Variants in DNAH11 observed in about 807,000 individuals in gnomAD.
The protein encoded by DNAH11 is axonemal beta dynein heavy chain 11.
DNAH11 carries 442 observed loss-of-function variants against 526.0 expected under a neutral mutation model. The observed-to-expected ratio is 0.84, with a 90% CI of 0.78 to 0.91. The LOEUF is 0.91. Among genes scored for constraint, DNAH11 ranks in the 40% least tolerant of loss-of-function variants. The probability of loss-of-function intolerance (pLI) is 0.00; values close to 1 mark genes in which losing one functional copy is unlikely to be tolerated. For synonymous variants in DNAH11, 2,461 were observed against 1,935.9 expected, an observed-to-expected ratio of 1.27 and a Z score of -7.12; for missense variants, 6,989 against 5,448.7, an observed-to-expected ratio of 1.28 and a Z score of -8.90.
chr7:21,586,322 G>A (rs376215835), intron 9 of DNAH11, among the ~76,000 whole-genome samples: 12 of 152,228 alleles, frequency 7.9e-5, no homozygotes, highest in African/African-American at 1.4e-4. Context: ...AAATACATAA[G>A]GCAATGTTTA....
chr7:21,685,829 T>A (rs1783349649), intron 32 of DNAH11, among the ~76,000 whole-genome samples: 1 of 151,726 alleles, frequency 6.6e-6, no homozygotes. Flanking sequence ...AAAAAGAGAG[T>A]CCAGGTCAAA....
At chr7:21,828,987 C>CCTTT (rs1377212093) in intron 65 of DNAH11, among the ~76,000 whole-genome samples, 1 of 152,064 alleles carries the variant, frequency 6.6e-6, no homozygotes, top group African/African-American at 2.4e-5. Context: ...TCAACCAAAA[C>CCTTT]CTTTCTTCGG....
chr7:21,813,378 A>G (rs77065843), intron 63 of DNAH11, among the ~76,000 whole-genome samples: 2,754 of 152,364 alleles, frequency 0.018, 71 homozygotes, highest in African/African-American at 0.057. Context: ...TGTCCTAAGC[A>G]ATAAAATAGA....
chr7:21,557,171 G>A lies in DNAH11; in HGVS notation c.496-1631G>A, dbSNP rs1253400778. Among the ~76,000 whole-genome samples the A allele has an allele frequency of 2.6e-5, 4 of 151,880 alleles. No homozygotes were observed. In the South Asian group the frequency reaches 6.2e-4, roughly 24 times the overall value. Reference sequence around the variant, plus strand: ...TTGCAGAGTTCTTCACAAACTACCCGTGCCGTCCTCACAGCCCAAGTATTG... The same window carrying A: ...TTGCAGAGTTCTTCACAAACTACCCATGCCGTCCTCACAGCCCAAGTATTG... On this transcript the variant is annotated intron_variant, in intron 2 of 81. Coordinates refer to ENST00000409508, the MANE Select transcript of DNAH11 (RefSeq NM_001277115.2).
At chr7:21,851,830 C>G (rs1782652770) in intron 66 of DNAH11, among the ~76,000 whole-genome samples, 2 of 151,978 alleles carry the variant, frequency 1.3e-5, no homozygotes, top group Admixed American at 1.3e-4. Flanking sequence ...GAGTTTTTTT[C>G]CTATTTTGAG....
intron 13 of DNAH11, 48 bp downstream of exon 13, chr7:21,591,070 T>G: frequency 7.3e-7 from 1 of 1,378,230 alleles, no homozygotes; most frequent in Non-Finnish European, 9.5e-7. Context: ...ATTATGAATA[T>G]AAATATTTTG....
chr7:21,900,454 A>ACTGT (rs1784740405), intron 81 of DNAH11, among the ~76,000 whole-genome samples: 1 of 102,320 alleles, frequency 9.8e-6, no homozygotes, highest in African/African-American at 3.0e-5. Flanking sequence ...TTGTTTAAAA[A>ACTGT]CTGTCAGTAA....
At chr7:21,687,775 C>T (rs1267448065) in intron 34 of DNAH11, among the ~76,000 whole-genome samples, 1 of 152,146 alleles carries the variant, frequency 6.6e-6, no homozygotes, top group Non-Finnish European at 1.5e-5. Flanking sequence ...CTAGGATTGG[C>T]CAGACACAGT....
rs1378649251 is a variant in DNAH11 at position 21,650,592 on chromosome 7, A to G, written c.4945-5240A>G. Among the ~76,000 whole-genome samples, 4 of 134,888 alleles carry G rather than the reference A, an allele frequency of 3.0e-5. No homozygotes were observed. The East Asian group carries it at 6.3e-4, about 21-fold the overall frequency. The allele number at this position is 134,888 out of a possible 152,430, so 88.5% of individuals were successfully genotyped here. A position where few individuals can be genotyped will look rare whatever the true frequency, so the allele number is the denominator to read the frequency against. On this transcript the variant is annotated intron_variant, in intron 28 of 81. Coordinates refer to ENST00000409508, the MANE Select transcript of DNAH11 (RefSeq NM_001277115.2). ...AGATTCTTAACCATATTGCATGCCTATTTCCCTGTACCATCACCAAAACTG... is the reference window on the plus strand; with the variant it reads ...AGATTCTTAACCATATTGCATGCCTGTTTCCCTGTACCATCACCAAAACTG...
intron 57 of DNAH11, among the ~76,000 whole-genome samples, chr7:21,780,913 G>A (rs1000866197): frequency 6.6e-6 from 1 of 152,192 alleles, no homozygotes; most frequent in Admixed American, 6.5e-5. Context: ...CATGAGACAA[G>A]TAACACATTG....
chr7:21,717,605 T>G (rs1255537426), intron 42 of DNAH11, among the ~76,000 whole-genome samples, 170 bp from the exon 43 acceptor site: 1 of 152,158 alleles, frequency 6.6e-6, no homozygotes, highest in Admixed American at 6.6e-5. Context: ...TAAAACAAGT[T>G]TTTAAAGGGC....
intron 64 of DNAH11, among the ~76,000 whole-genome samples, chr7:21,817,395 C>A (rs1427430492): frequency 6.6e-6 from 1 of 151,622 alleles, no homozygotes; most frequent in Non-Finnish European, 1.5e-5. Context: ...AAATGTAGTT[C>A]TTAGGCCAGG....
chr7:21,799,844 G>A (rs1485559185), intron 61 of DNAH11, among the ~76,000 whole-genome samples: 1 of 152,138 alleles, frequency 6.6e-6, no homozygotes, highest in Non-Finnish European at 1.5e-5. Flanking sequence ...ATTATATTCT[G>A]TAAGTTTTCT....
In DNAH11 at chr7:21,639,013, T is replaced by C; in HGVS notation, c.4892T>C (p.Val1631Ala). Residue 1631 changes from valine (V) to alanine (A), a missense_variant, in exon 28 of 82, where the codon GTC (valine) becomes GCC (alanine). By Grantham distance (64) the Val-to-Ala change is moderately conservative. Transcript: ENST00000409508. Reference sequence around the variant, plus strand: ...ATAGCCTTTCCTCGCTTCTATTTCGTCTCTTCTGCTGATTTACTTGACATT... The same window carrying C: ...ATAGCCTTTCCTCGCTTCTATTTCGCCTCTTCTGCTGATTTACTTGACATT... ...KRIAFPRFYF[V>A]SSADLLDILS... 6.2e-7 allele frequency: 1 copy of C among 1,613,722 alleles called. No homozygotes were observed.
chr7:21,784,866 A>C (rs1043399834), intron 58 of DNAH11, among the ~76,000 whole-genome samples: 1 of 152,080 alleles, frequency 6.6e-6, no homozygotes, highest in African/African-American at 2.4e-5. Flanking sequence ...TTTTCATATC[A>C]TGTGTTGCTT....
chr7:21,739,498 T>G (rs1785776540), intron 47 of DNAH11, 73 bp from the exon 48 acceptor site: 3 of 1,140,688 alleles, frequency 2.6e-6, no homozygotes, highest in Non-Finnish European at 1.3e-6. Context: ...ATGAAGACCT[T>G]TATGAACTGT....
intron 66 of DNAH11, among the ~76,000 whole-genome samples, chr7:21,849,201 A>T (rs1456324229): frequency 6.6e-6 from 1 of 152,148 alleles, no homozygotes; most frequent in Non-Finnish European, 1.5e-5. Context: ...TCCATTTTCA[A>T]ATAACACTAC....
rs778123011 is a variant in DNAH11 at position 21,601,369 on chromosome 7, G to A, written c.3426-27G>A. The A allele has an allele frequency of 1.9e-6, 3 of 1,576,952 alleles. No individual in the cohort carries two copies. In the Admixed American group the frequency reaches 5.3e-5, roughly 28 times the overall value. ...ATGTTTTAATAAACTTAATTTGTGTGTATCTATGTACATATATATTTAATA... is the reference window on the plus strand; with the variant it reads ...ATGTTTTAATAAACTTAATTTGTGTATATCTATGTACATATATATTTAATA... On this transcript the variant is annotated intron_variant, in intron 17 of 81. Coordinates refer to ENST00000409508, the MANE Select transcript of DNAH11 (RefSeq NM_001277115.2).
rs544923936 is a variant in DNAH11 at position 21,834,043 on chromosome 7, A to C, written c.10692-8501A>C. ...CAGAACATTCCACCCAATAGCGCAG[A>C]ATATATATTCTTCTCATCAGCAAAT... On this transcript the variant is annotated intron_variant, in intron 65 of 81. Transcript: ENST00000409508. Among the ~76,000 whole-genome samples, 24 of 152,308 alleles carry C rather than the reference A, an allele frequency of 1.6e-4. 2 individuals carry two copies. The South Asian group carries it at 1.7e-3, about 11-fold the overall frequency.
Sources: allele counts gnomAD v4.1 joint callset (sites outside exome capture counted in the v4.1 genomes callset), GRCh38; gene constraint gnomAD v4.1.1; transcripts MANE v1.5; gene names NCBI Gene and HGNC (gene_info 2026-07-23, HGNC 2026-07-21).